Variants in POLM observed in about 807,000 individuals in gnomAD.
The protein encoded by POLM is DNA polymerase mu.
In POLM, 52 loss-of-function variants were observed where a neutral mutation model predicts 56.7. The observed-to-expected ratio is 0.92, with a 90% CI of 0.73 to 1.15. The LOEUF is 1.15. POLM is among the 50% of genes most tolerant of loss of function. The pLI is 0.00. For missense variants in POLM, 660 were observed against 663.6 expected (o/e 0.99, Z 0.06); for synonymous variants, 273 against 274.3 (o/e 1.00, Z 0.05).
rs200759226 is a variant in POLM at position 44,076,586 on chromosome 7, C to T, written c.758G>A (p.Arg253Gln). Residue 253 changes from arginine (R) to glutamine (Q), a missense_variant, in exon 6 of 11, where the codon CGG (arginine) becomes CAG (glutamine). Arg to Gln is a conservative substitution (Grantham distance 43). Coordinates refer to ENST00000242248, the MANE Select transcript of POLM (RefSeq NM_013284.4). ...GGTTCGCAGTCCTTCCCGGTACCAC[C>T]GGTCAGCAGTCTTCACACCGACCCC... ...IFGVGVKTAD[R>Q]WYREGLRTLD... 54 of 1,614,084 alleles carry T rather than the reference C, an allele frequency of 3.3e-5. No individual in the cohort carries two copies. The East Asian group carries it at 8.7e-4, about 26-fold the overall frequency.
chr7:44,075,891 A>G (rs558289254), intron 6 of POLM: 1 of 152,298 alleles, frequency 6.6e-6, no homozygotes, highest in Non-Finnish European at 1.5e-5. Flanking sequence ...GGCATCCACC[A>G]TCACGCCTGG....
intron 4 of POLM, among the ~76,000 whole-genome samples, chr7:44,079,331 C>T (rs369381333): frequency 4.7e-4 from 72 of 152,290 alleles, no homozygotes; most frequent in African/African-American, 1.7e-3. Flanking sequence ...CAGTGTCACC[C>T]CTAGCCCTGC....
At chr7:44,080,269 A>G (rs2096195976) in intron 2 of POLM, 1 of 525,184 alleles carries the variant, frequency 1.9e-6, no homozygotes, top group South Asian at 1.6e-5. Context: ...CGGGCTGGGG[A>G]TGCTGAGGCC....
rs201819440 is a variant in POLM at position 44,073,800 on chromosome 7, C to T, written c.1297G>A (p.Gly433Ser). The part of the protein sequence containing the change: ...PVSQFPFALL[G>S]WTGSKLFQRE... ...CTGCCTACCTTGGAGCCAGTCCAAC[C>T]GAGCAGGGCGAAAGGGAACTGGCTG... The change falls in exon 9 of 11, where the codon GGT becomes AGT. Residue 433 changes from glycine (G) to serine (S), a missense_variant. Coordinates refer to ENST00000242248, the MANE Select transcript of POLM (RefSeq NM_013284.4). 229 of 1,614,160 alleles carry T rather than the reference C, an allele frequency of 1.4e-4. No homozygotes were observed. The East Asian group carries it at 4.5e-3, about 32-fold the overall frequency.
intron 1 of POLM, among the ~76,000 whole-genome samples, chr7:44,081,577 AGCC>A (rs1309504387): frequency 2.0e-5 from 3 of 152,048 alleles, no homozygotes; most frequent in African/African-American, 4.8e-5. Context: ...TTGTCTCTGT[AGCC>A]GCCATTTTTT....
Position 44,080,916 on chromosome 7 carries a change from G to C in POLM, c.189C>G (p.Ser63Arg). 6.4e-7 allele frequency: 1 copy of C among 1,560,534 alleles called. No individual in the cohort carries two copies. Residue 63 changes from serine to arginine, a missense_variant and splice_region_variant, in exon 2 of 11, where the codon AGC becomes AGG. Physicochemically the swap from Ser to Arg is moderately radical, Grantham distance 110. Coordinates refer to ENST00000242248, the MANE Select transcript of POLM (RefSeq NM_013284.4). ...SKGFRVLDAC[S>R]SEATHVVMEE... ...CCATCACAACATGTGTCGCTTCGGA[G>C]CTGGTGGAGGGAGTTGGGAGAGAAG...
intron 5 of POLM, 49 bp from the exon 6 acceptor site, chr7:44,076,678 C>T (rs759665225): frequency 5.9e-5 from 94 of 1,606,644 alleles, no homozygotes; most frequent in Non-Finnish European, 6.9e-5. Context: ...CATGGCTAGA[C>T]TCGGATGATC....
rs940858066 is a variant in POLM at position 44,074,382 on chromosome 7, C to T, written c.968+16G>A. ...GGTCTGAAGCCAAGCCAGAGGGGCA[C>T]GTCGGGCCTTCTTACCTGCGGAAGC... On this transcript the variant is annotated intron_variant, in intron 7 of 10. Coordinates refer to ENST00000242248, the MANE Select transcript of POLM (RefSeq NM_013284.4). The T allele has an allele frequency of 1.4e-5, 21 of 1,552,430 alleles. 1 individual carries two copies. Among genetic ancestry groups the T allele is most frequent in the South Asian group, 7.1e-5 (6 of 84,138 alleles).
rs2096173247 is a variant in POLM, at chr7:44,073,262, C to T, written c.*29G>A. The stretch of plus-strand genomic sequence containing the variant: ...GCCAGGTTGGGGGCAGCCCAATTTC[C>T]TGAGTGGAAGTGGGGGACACAGGCA... On this transcript the variant is annotated 3_prime_UTR_variant, in exon 11 of 11. Transcript: ENST00000242248. The T allele has an allele frequency of 6.2e-7, 1 of 1,614,054 alleles. No homozygotes were observed. Among genetic ancestry groups the T allele is most frequent in the Admixed American group, 1.7e-5 (1 of 60,010 alleles).
rs763311774 is a variant in POLM, at chr7:44,079,580, C to G, written c.633G>C (p.Arg211Ser). Reference protein sequence around the residue: ...GLPHFGEHSSRVVQELLEHGV... With the variant: ...GLPHFGEHSSSVVQELLEHGV... ...GATGGTAAGCACCTACCTGGACAAC[C>G]CTAGAGGAGTGTTCTCCAAAGTGGG... Residue 211 changes from arginine (R) to serine (S), a missense_variant, in exon 4 of 11, where the codon AGG becomes AGC. By Grantham distance (110) the Arg-to-Ser change is moderately radical (BLOSUM62 -1). Coordinates refer to ENST00000242248, the MANE Select transcript of POLM (RefSeq NM_013284.4). 6.2e-7 allele frequency: 1 copy of G among 1,613,674 alleles called. No individual in the cohort carries two copies. Among genetic ancestry groups the G allele is most frequent in the Admixed American group, 1.7e-5 (1 of 60,018 alleles).
At position 44,080,793 on chromosome 7, in the gene POLM, C is replaced by G. The variant is rs1266808379; in HGVS notation, c.312G>C (p.Trp104Cys). Residue 104 changes from tryptophan (W) to cysteine (C), a missense_variant, in exon 2 of 11, where the codon TGG (tryptophan) becomes TGC (cysteine). Transcript: ENST00000242248. Reference sequence around the variant, plus strand: ...GCCCAGCTCCCAGGCTCTCTGTTAACCAGCTTATGTCCAGCAGAGCTGGGG... The same window carrying G: ...GCCCAGCTCCCAGGCTCTCTGTTAAGCAGCTTATGTCCAGCAGAGCTGGGG... ...CTPPALLDISWLTESLGAGQP... is the reference protein window; with the variant it reads ...CTPPALLDISCLTESLGAGQP... 1 of 1,614,072 alleles carries G rather than the reference C, an allele frequency of 6.2e-7. No individual in the cohort carries two copies. Among genetic ancestry groups the G allele is most frequent in the Non-Finnish European group, 8.5e-7 (1 of 1,180,016 alleles).
chr7:44,074,073 G>A (rs772153902), intron 8 of POLM, 48 bp from the exon 9 acceptor site: 3 of 1,608,404 alleles, frequency 1.9e-6, no homozygotes, highest in East Asian at 4.5e-5. Flanking sequence ...GGTGTGGAGA[G>A]AGCAGGAGGC....
rs142059440 is a variant in POLM at position 44,074,256 on chromosome 7, G to C, written c.969-23C>G. The C allele has an allele frequency of 0.014, 21,301 of 1,555,046 alleles. 288 individuals carry two copies. Among genetic ancestry groups the C allele is most frequent in the Non-Finnish European group, 0.014 (16,592 of 1,147,676 alleles). On this transcript the variant is annotated intron_variant, in intron 7 of 10. Coordinates refer to ENST00000242248, the MANE Select transcript of POLM (RefSeq NM_013284.4). ...CCCCTGAGGGCGTCAGTCTGACTCT[G>C]ACTCAGGGACACGGCCTGCTCACTC...
rs2096203245 is a variant in POLM at position 44,082,482 on chromosome 7, A to G, written c.-44T>C. 1.1e-6 allele frequency: 1 copy of G among 930,910 alleles called. No individual in the cohort carries two copies. Among genetic ancestry groups the G allele is most frequent in the Non-Finnish European group, 1.3e-6 (1 of 778,598 alleles). The allele number at this position is 930,910 out of a possible 1,614,324, so 57.7% of individuals were successfully genotyped here. On this transcript the variant is annotated 5_prime_UTR_variant, in exon 1 of 11. Coordinates refer to ENST00000242248, the MANE Select transcript of POLM (RefSeq NM_013284.4). The stretch of plus-strand genomic sequence containing the variant: ...CAGCGCGGAGCGAACGCAGAGGGAA[A>G]CTCCGAGCGAGACGGAAGGAAGCCC...
At chr7:44,081,858 G>C (rs902854083) in intron 1 of POLM, among the ~76,000 whole-genome samples, 4 of 148,872 alleles carry the variant, frequency 2.7e-5, no homozygotes, top group Non-Finnish European at 5.9e-5. Flanking sequence ...CCATTCTCCT[G>C]CCTCAGCCTC....
At position 44,073,272 on chromosome 7, in the gene POLM, G is replaced by T; in HGVS notation, c.*19C>A. On this transcript the variant is annotated 3_prime_UTR_variant, in exon 11 of 11. Transcript: ENST00000242248. ...GGGCAGCCCAATTTCCTGAGTGGAA[G>T]TGGGGGACACAGGCAGGCTCAGGCG... 1.9e-6 allele frequency: 3 copies of T among 1,614,216 alleles called. No individual in the cohort carries two copies. Among genetic ancestry groups the T allele is most frequent in the Non-Finnish European group, 2.5e-6 (3 of 1,180,002 alleles).
chr7:44,073,768 C>G lies in POLM; in HGVS notation c.1314+15G>C. The stretch of plus-strand genomic sequence containing the variant: ...CCAGCCCCACCCCCAGGCGGCCCAG[C>G]GGCACACTGCCTACCTTGGAGCCAG... On this transcript the variant is annotated intron_variant, in intron 9 of 10. Transcript: ENST00000242248. 6.2e-7 allele frequency: 1 copy of G among 1,613,822 alleles called. No individual in the cohort carries two copies. Among genetic ancestry groups the G allele is most frequent in the Non-Finnish European group, 8.5e-7 (1 of 1,179,814 alleles).
intron 6 of POLM, chr7:44,076,232 A>C (rs1449998992): frequency 5.4e-6 from 2 of 373,514 alleles, no homozygotes; most frequent in African/African-American, 4.2e-5. Flanking sequence ...AGTGTGCCCA[A>C]GGCCCAGGCT....
At chr7:44,073,754 C>A in intron 9 of POLM, 29 bp downstream of exon 9, 1 of 1,613,948 alleles carries the variant, frequency 6.2e-7, no homozygotes, top group Non-Finnish European at 8.5e-7. Context: ...CAGCCCCACC[C>A]CCAGGCGGCC....
Sources: allele counts gnomAD v4.1 joint callset (sites outside exome capture counted in the v4.1 genomes callset), GRCh38; gene constraint gnomAD v4.1.1; transcripts MANE v1.5; gene names NCBI Gene and HGNC (gene_info 2026-07-23, HGNC 2026-07-21).